Variants in STARD9 observed in about 807,000 individuals in gnomAD.
STARD9 encodes stAR-related lipid transfer protein 9.
Under a neutral mutation model 399.8 loss-of-function variants are expected in STARD9, and 346 were observed. The ratio of observed to expected loss-of-function variants is 0.87; its 90% CI spans 0.79 to 0.95. The LOEUF is 0.95. STARD9 is among the 40% of genes least tolerant of loss of function. The probability of loss-of-function intolerance (pLI) is 0.00; values close to 1 mark genes in which losing one functional copy is unlikely to be tolerated. For synonymous variants in STARD9, 2,203 were observed against 2,143.5 expected, an observed-to-expected ratio of 1.03 and a Z score of -0.77; for missense variants, 5,832 against 5,667.5, an observed-to-expected ratio of 1.03 and a Z score of -0.93.
At position 42,674,279 on chromosome 15, in the gene STARD9, G is replaced by A. The variant is rs192234412; in HGVS notation, c.1498-161G>A. 4.6e-4 allele frequency among the ~76,000 whole-genome samples: 70 copies of A among 152,244 alleles called. 1 individual carries two copies. In the South Asian group the frequency reaches 5.0e-3, roughly 11 times the overall value. Reference sequence around the variant, plus strand: ...GAGTGGGCAGAGGGTCAGAACAGCCGGGACCAAAGTTGAGAAGTGGTACCG... The same window carrying A: ...GAGTGGGCAGAGGGTCAGAACAGCCAGGACCAAAGTTGAGAAGTGGTACCG... On this transcript the variant is annotated intron_variant, in intron 16 of 32. Transcript: ENST00000290607.
chr15:42,581,033 C>G (rs2058157805), intron 1 of STARD9: 1 of 483,932 alleles, frequency 2.1e-6, no homozygotes, highest in Non-Finnish European at 3.9e-6. Context: ...CTGGTATTGC[C>G]TCTTCTGTCT....
chr15:42,695,453 A>G, intron 25 of STARD9, 130 bp downstream of exon 25: 2 of 920,838 alleles, frequency 2.2e-6, no homozygotes, highest in Non-Finnish European at 3.2e-6. Context: ...CCCTGTTGTC[A>G]ACTCAAAGCT....
At chr15:42,703,643 G>A (rs2061015898) in intron 26 of STARD9, among the ~76,000 whole-genome samples, 2 of 151,836 alleles carry the variant, frequency 1.3e-5, no homozygotes, top group African/African-American at 4.8e-5. Flanking sequence ...AAAATACTAG[G>A]ATTACAGGCG....
Position 42,685,426 on chromosome 15 carries a change from C to G in STARD9, c.3848C>G (p.Pro1283Arg). 1 of 1,536,132 alleles carries G rather than the reference C, an allele frequency of 6.5e-7. No homozygotes were observed. Among genetic ancestry groups the G allele is most frequent in the Admixed American group, 2.0e-5 (1 of 50,914 alleles). ...TTTTACCTTGATCCTCAGTTCCAAC[C>G]CCATTGTGAGCTCCAACCCCATTGT... ...SSFYLDPQFQPHCELQPHCEL... is the reference protein window; with the variant it reads ...SSFYLDPQFQRHCELQPHCEL... Residue 1283 changes from proline to arginine, a missense_variant, in exon 23 of 33, where the codon CCC (proline) becomes CGC (arginine). By Grantham distance (103) the Pro-to-Arg change is moderately radical (BLOSUM62 -2). Around this residue, in one of 2 missense-constraint regions of STARD9, gnomAD observed 5,828 missense variants for 5,651.1 expected, o/e 1.03. Coordinates refer to ENST00000290607, the MANE Select transcript of STARD9 (RefSeq NM_020759.3).
intron 3 of STARD9, among the ~76,000 whole-genome samples, chr15:42,590,163 G>A (rs1461967111): frequency 6.7e-6 from 1 of 150,234 alleles, no homozygotes; most frequent in African/African-American, 2.5e-5. Flanking sequence ...TGGTCTCACT[G>A]TGTTGCTCAG....
intron 3 of STARD9, among the ~76,000 whole-genome samples, chr15:42,620,880 G>T (rs1288645418): frequency 6.6e-6 from 1 of 151,996 alleles, no homozygotes; most frequent in Non-Finnish European, 1.5e-5. Flanking sequence ...TCAGCTTCCT[G>T]TGTAGCTGGG....
chr15:42,575,774 CG>C lies in STARD9; in HGVS notation c.47+15del. The C allele has an allele frequency of 6.5e-7, 1 of 1,536,820 alleles. No homozygotes were observed. The highest frequency in any genetic ancestry group is 1.2e-5 in the South Asian group (1 of 84,060). On this transcript the variant is annotated intron_variant, in intron 1 of 32. Transcript: ENST00000290607. ...CCGCTCAGCAAGAGGTGAGTCTCCGCGGGAGAGGGCGCCTGAGGCTTCACAG... is the reference window on the plus strand; with the variant it reads ...CCGCTCAGCAAGAGGTGAGTCTCCGCGGAGAGGGCGCCTGAGGCTTCACAG...
At chr15:42,699,532 T>C (rs2060919051) in intron 26 of STARD9, among the ~76,000 whole-genome samples, 1 of 150,990 alleles carries the variant, frequency 6.6e-6, no homozygotes, top group South Asian at 2.1e-4. Flanking sequence ...TAGCTGGGAC[T>C]ACAGGTGCCC....
intron 7 of STARD9, among the ~76,000 whole-genome samples, chr15:42,643,554 G>A (rs1169045110): frequency 1.3e-5 from 2 of 152,022 alleles, no homozygotes; most frequent in Admixed American, 6.5e-5. Flanking sequence ...GGAGTGGCAC[G>A]ATCTTGGGTC....
chr15:42,599,026 T>G (rs1198112351), intron 3 of STARD9, among the ~76,000 whole-genome samples: 1 of 152,032 alleles, frequency 6.6e-6, no homozygotes, highest in African/African-American at 2.4e-5. Flanking sequence ...CAGGTTCAAA[T>G]GATTCTCCTG....
At chr15:42,635,520 G>A (rs915943221) in intron 4 of STARD9, among the ~76,000 whole-genome samples, 3 of 151,836 alleles carry the variant, frequency 2.0e-5, no homozygotes, top group African/African-American at 7.3e-5. Context: ...TAGTAGAGAC[G>A]GGGTTTCACC....
intron 3 of STARD9, among the ~76,000 whole-genome samples, chr15:42,617,134 C>A (rs562391196): frequency 2.0e-5 from 3 of 152,232 alleles, no homozygotes; most frequent in Admixed American, 2.0e-4. Context: ...ACAGTAAGAG[C>A]CGTGCCCAGC....
chr15:42,650,958 G>A, intron 7 of STARD9, 58 bp from the exon 8 acceptor site: 1 of 1,261,708 alleles, frequency 7.9e-7, no homozygotes. Flanking sequence ...ACAAGAAAAG[G>A]TTAAAGTTTA....
chr15:42,638,844 C>A, intron 7 of STARD9, 32 bp downstream of exon 7: 1 of 1,310,268 alleles, frequency 7.6e-7, no homozygotes, highest in Non-Finnish European at 1.0e-6. Context: ...GATCTGAAAC[C>A]AAACTGAAGC....
chr15:42,662,707 C>A, intron 10 of STARD9, 87 bp from the exon 11 acceptor site: 2 of 828,010 alleles, frequency 2.4e-6, no homozygotes, highest in Non-Finnish European at 3.8e-6. Context: ...GCATGATATA[C>A]AGAATAACGG....
intron 26 of STARD9, among the ~76,000 whole-genome samples, chr15:42,716,012 C>G (rs542010300): frequency 6.6e-6 from 1 of 152,218 alleles, no homozygotes; most frequent in African/African-American, 2.4e-5. Flanking sequence ...AGAGAACTGT[C>G]TTTGTTTCCT....
intron 3 of STARD9, among the ~76,000 whole-genome samples, chr15:42,622,990 G>T (rs758930803): frequency 2.0e-5 from 3 of 152,144 alleles, no homozygotes; most frequent in Non-Finnish European, 4.4e-5. Context: ...GGTAGCTCAC[G>T]CCTGTAATCC....
chr15:42,715,811 AT>A (rs34362170), intron 26 of STARD9, among the ~76,000 whole-genome samples: 12 of 151,798 alleles, frequency 7.9e-5, no homozygotes, highest in African/African-American at 2.7e-4. Context: ...CGGCCCCCAA[AT>A]TTTTTTTTAA....
chr15:42,664,760 A>G (rs1478259241), intron 13 of STARD9, among the ~76,000 whole-genome samples: 1 of 150,888 alleles, frequency 6.6e-6, no homozygotes, highest in East Asian at 1.9e-4. Flanking sequence ...AGGAGAGTGT[A>G]TGAATTCATT....
Sources: allele counts gnomAD v4.1 joint callset (sites outside exome capture counted in the v4.1 genomes callset), GRCh38; gene constraint gnomAD v4.1.1; regional missense constraint gnomAD v4.1.1; transcripts MANE v1.5; gene names NCBI Gene and HGNC (gene_info 2026-07-23, HGNC 2026-07-21).